The following ZFP28 variants were observed in gnomAD, a reference collection of about 807,000 sequenced individuals.
The protein encoded by ZFP28 is ZFP28 zinc finger protein, also known as zinc finger protein 28 homolog.
Under a neutral mutation model 39.5 loss-of-function variants are expected in ZFP28, and 31 were observed. The ratio of observed to expected loss-of-function variants is 0.79; its 90% CI spans 0.59 to 1.06. The LOEUF (loss-of-function observed/expected upper bound fraction) is 1.06. Among genes scored for constraint, ZFP28 ranks in the 50% least tolerant of loss-of-function variants. The pLI is 0.00. For synonymous variants in ZFP28, 400 were observed against 378.6 expected, an observed-to-expected ratio of 1.06 and a Z score of -0.66; for missense variants, 925 against 1,048.4, an observed-to-expected ratio of 0.88 and a Z score of 1.63.
upstream of ZFP28, chr19:56,537,671 C>A (rs755215427): frequency 1.3e-5 from 2 of 152,230 alleles, no homozygotes; most frequent in African/African-American, 4.8e-5. Context: ...CTGCAGCTTG[C>A]GGCTTTCAGT....
chr19:56,550,923 G>GT (rs2147961031), intron 7 of ZFP28: 1 of 1,423,182 alleles, frequency 7.0e-7, no homozygotes, highest in South Asian at 1.6e-5. Context: ...CTCTTCTGTG[G>GT]TTAAATGGCC....
chr19:56,550,493 T>C lies in ZFP28; in HGVS notation c.803-17T>C. 6.2e-7 allele frequency: 1 copy of C among 1,610,326 alleles called. No individual in the cohort carries two copies. The highest frequency in any genetic ancestry group is 8.5e-7 in the Non-Finnish European group (1 of 1,177,696). On this transcript the variant is annotated splice_polypyrimidine_tract_variant and intron_variant, in intron 6 of 7. Coordinates refer to ENST00000301318, the MANE Select transcript of ZFP28 (RefSeq NM_020828.2). ...CCAAGACTATTGGCCAAACCTCATC[T>C]CTTTTCACTTTTTCAGGACATTGTG...
rs770381596 is a variant in ZFP28, at chr19:56,554,021, C to A, written c.1236C>A (p.Gly412=). The part of the protein sequence containing the change: ...QKSSVVIKQT[G]IYAGKKLFKC... ...GTTCAGTGGTAATAAAACAAACAGG[C>A]ATCTATGCAGGAAAAAAGCTTTTCA... Residue 412 remains glycine, a synonymous_variant, in exon 8 of 8, where the codon GGC becomes GGA. Coordinates refer to ENST00000301318, the MANE Select transcript of ZFP28 (RefSeq NM_020828.2). The surrounding 1 kb of genome is among the most constrained non-coding windows in gnomAD (Gnocchi z 6.7). 1 of 1,613,270 alleles carries A rather than the reference C, an allele frequency of 6.2e-7. No individual in the cohort carries two copies. Among genetic ancestry groups the A allele is most frequent in the South Asian group, 1.1e-5 (1 of 90,814 alleles).
intron 2 of ZFP28, among the ~76,000 whole-genome samples, chr19:56,542,529 G>C (rs2044204636): frequency 1.3e-5 from 2 of 152,164 alleles, no homozygotes; most frequent in African/African-American, 2.4e-5. Context: ...GATCCATGTT[G>C]TTCGAAGGTC....
chr19:56,541,848 G>T, intron 2 of ZFP28, among the ~76,000 whole-genome samples: 2 of 142,934 alleles, frequency 1.4e-5, no homozygotes, highest in East Asian at 2.1e-4. Flanking sequence ...TCCTTCCTCA[G>T]CCTCCCGAGT....
In ZFP28 at chr19:56,553,858, G is replaced by A. The variant is rs2044326135; in HGVS notation, c.1073G>A (p.Arg358Lys). 1 of 1,613,972 alleles carries A rather than the reference G, an allele frequency of 6.2e-7. No homozygotes were observed. Among genetic ancestry groups the A allele is most frequent in the Non-Finnish European group, 8.5e-7 (1 of 1,180,034 alleles). ...KLAVGQETQF[R>K]QEPITHNKTL... ...GCAGTAGGTCAAGAGACACAATTCA[G>A]GCAAGAGCCAATTACTCATAACAAA... Residue 358 changes from arginine to lysine, a missense_variant, in exon 8 of 8, where the codon AGG becomes AAG. Arg to Lys is a conservative substitution (Grantham distance 26). Coordinates refer to ENST00000301318, the MANE Select transcript of ZFP28 (RefSeq NM_020828.2).
In ZFP28 at chr19:56,554,333, C is replaced by G; in HGVS notation, c.1548C>G (p.Asp516Glu). Reference sequence around the variant, plus strand: ...TCGATTGTGGGAAAGCCTTCAGTGACCACATAGGGCTTAATCAACACAGGA... The same window carrying G: ...TCGATTGTGGGAAAGCCTTCAGTGAGCACATAGGGCTTAATCAACACAGGA... Reference protein sequence around the residue: ...DCIDCGKAFSDHIGLNQHRRI... With the variant: ...DCIDCGKAFSEHIGLNQHRRI... The change falls in exon 8 of 8, where the codon GAC becomes GAG. Residue 516 changes from aspartate to glutamate, a missense_variant. This residue lies in a region of ZFP28 where 369 missense variants were observed against 505.5 expected (regional missense o/e 0.73). Transcript: ENST00000301318. This position sits in a 1 kb window ranked among gnomAD's most constrained non-coding sequence, Gnocchi z 6.7. 6.2e-7 allele frequency: 1 copy of G among 1,614,028 alleles called. No homozygotes were observed. The highest frequency in any genetic ancestry group is 1.1e-5 in the South Asian group (1 of 91,068).
chr19:56,547,566 T>C lies in ZFP28; in HGVS notation c.359T>C (p.Leu120Pro). Residue 120 changes from leucine to proline, a missense_variant, in exon 3 of 8, where the codon CTG (leucine) becomes CCG (proline). By Grantham distance (98) the Leu-to-Pro change is moderately conservative. Coordinates refer to ENST00000301318, the MANE Select transcript of ZFP28 (RefSeq NM_020828.2). The surrounding 1 kb of genome is among the most constrained non-coding windows in gnomAD (Gnocchi z 4.6). ...VDFSQEEWEWLNPIQRNLYRK... is the reference protein window; with the variant it reads ...VDFSQEEWEWPNPIQRNLYRK... ...TTCTCCCAAGAGGAGTGGGAGTGGC[T>C]GAACCCCATTCAGAGGAACTTGTAC... is the stretch of plus-strand genomic sequence containing the variant. The C allele has an allele frequency of 1.2e-6, 2 of 1,614,106 alleles. No individual in the cohort carries two copies. The highest frequency in any genetic ancestry group is 1.7e-6 in the Non-Finnish European group (2 of 1,179,988).
upstream of ZFP28, chr19:56,538,699 G>A (rs1409430890): frequency 1.3e-5 from 2 of 150,660 alleles, no homozygotes; most frequent in Non-Finnish European, 2.9e-5. Flanking sequence ...ATTGCGCCGA[G>A]GCCACGCCCG....
chr19:56,541,772 C>T (rs967554499), intron 2 of ZFP28, among the ~76,000 whole-genome samples: 9 of 151,888 alleles, frequency 5.9e-5, no homozygotes, highest in African/African-American at 2.2e-4. Context: ...CTCTGTCACT[C>T]AGGCTGGAGT....
Position 56,538,988 on chromosome 19 carries a change from G to A in ZFP28, c.-31G>A, listed in dbSNP as rs1351016040. The A allele has an allele frequency of 7.1e-5, 99 of 1,385,326 alleles. 1 individual carries two copies. In the South Asian group the frequency reaches 9.8e-4, roughly 14 times the overall value. 85.8% of individuals were successfully genotyped at this position (1,385,326 alleles called of 1,614,324 possible). ...AGGGGTGTGGGTCTGTGAGGGACCG[G>A]TCGGAAGGGCGTCGCGCGGCCTCGG... On this transcript the variant is annotated 5_prime_UTR_variant, in exon 1 of 8. Coordinates refer to ENST00000301318, the MANE Select transcript of ZFP28 (RefSeq NM_020828.2).
At chr19:56,552,076 A>G (rs1393188479) in intron 7 of ZFP28, 12 of 725,072 alleles carry the variant, frequency 1.7e-5, no homozygotes, top group Admixed American at 1.3e-4. Context: ...ATTTTTAATG[A>G]CTATTTAGTA....
chr19:56,550,325 T>C, intron 6 of ZFP28, 144 bp downstream of exon 6: 1 of 951,458 alleles, frequency 1.1e-6, no homozygotes, highest in South Asian at 1.7e-5. Flanking sequence ...GAATTTGGCA[T>C]TTGTAGAGGT....
At chr19:56,545,496 T>G (rs956653722) in intron 2 of ZFP28, 4 of 152,158 alleles carry the variant, frequency 2.6e-5, no homozygotes, top group Non-Finnish European at 4.4e-5. Flanking sequence ...TTGGTTGGTG[T>G]TGTGGTTTGT....
intron 7 of ZFP28, chr19:56,552,054 T>C (rs1280144945): frequency 2.3e-6 from 2 of 883,990 alleles, no homozygotes; most frequent in East Asian, 1.2e-4. Flanking sequence ...TTGACACATA[T>C]AGTTCTATTT....
intron 7 of ZFP28, chr19:56,552,014 G>A: frequency 3.1e-6 from 3 of 954,638 alleles, no homozygotes; most frequent in Non-Finnish European, 3.7e-6. Context: ...TATTTCTAAT[G>A]TGATTTCTCC....
chr19:56,554,565 T>G lies in ZFP28; in HGVS notation c.1780T>G (p.Cys594Gly). Residue 594 changes from cysteine (C) to glycine (G), a missense_variant, in exon 8 of 8, where the codon TGC (cysteine) becomes GGC (glycine). By Grantham distance (159) the Cys-to-Gly change is radical (BLOSUM62 -3). This residue lies in a region of ZFP28 where 369 missense variants were observed against 505.5 expected (regional missense o/e 0.73). Coordinates refer to ENST00000301318, the MANE Select transcript of ZFP28 (RefSeq NM_020828.2). This position sits in a 1 kb window ranked among gnomAD's most constrained non-coding sequence, Gnocchi z 6.7. The stretch of plus-strand genomic sequence containing the variant: ...AGAAAAGCCTTTTAAGTGTAAAGAG[T>G]GCGGAAAAGCTTTTAGGCAGAATAT... Reference protein sequence around the residue: ...SGEKPFKCKECGKAFRQNIHL... With the variant: ...SGEKPFKCKEGGKAFRQNIHL... 1 of 1,613,898 alleles carries G rather than the reference T, an allele frequency of 6.2e-7. No individual in the cohort carries two copies. The highest frequency in any genetic ancestry group is 1.1e-5 in the South Asian group (1 of 91,072).
chr19:56,540,672 G>A (rs929218374), intron 2 of ZFP28, among the ~76,000 whole-genome samples: 56 of 152,276 alleles, frequency 3.7e-4, no homozygotes, highest in African/African-American at 1.3e-3. Flanking sequence ...AAATATGTTA[G>A]GCTTTGAAAG....
rs903714347 is a variant in ZFP28 at position 56,551,974 on chromosome 19, A to C, written c.898+1369A>C. On this transcript the variant is annotated intron_variant, in intron 7 of 7. Coordinates refer to ENST00000301318, the MANE Select transcript of ZFP28 (RefSeq NM_020828.2). ...GTCTTTTAAAATTATGACATGTAAA[A>C]ATTTTCAATTTTTATATAGTCCAGT... The C allele has an allele frequency of 4.1e-6, 4 of 972,394 alleles. No homozygotes were observed. The East Asian group carries it at 3.4e-4, about 83-fold the overall frequency. The allele number at this position is 972,394 out of a possible 1,614,324, so 60.2% of individuals were successfully genotyped here. A position where few individuals can be genotyped will look rare whatever the true frequency, so the allele number is the denominator to read the frequency against.
Sources: gnomAD v4.1 joint callset for allele counts (sites outside exome capture counted in the v4.1 genomes callset) on GRCh38, gnomAD v4.1.1 for gene constraint, gnomAD v4.1.1 regional missense constraint, Gnocchi (gnomAD v3.1) non-coding constraint, MANE v1.5 for transcripts, NCBI Gene and HGNC (gene_info 2026-07-23, HGNC 2026-07-21) for gene names.